SPEF2: variants seen among roughly 807,000 people sequenced by gnomAD.
SPEF2 encodes sperm flagellar and cilia associated 2.
SPEF2 carries 187 observed loss-of-function variants against 224.6 expected under a neutral mutation model. The ratio of observed to expected loss-of-function variants is 0.83; its 90% confidence interval spans 0.74 to 0.94. The LOEUF (loss-of-function observed/expected upper bound fraction) is 0.94, where lower values mean the gene tolerates loss of function less well. Ranked by LOEUF, SPEF2 falls within the 40% of genes least tolerant of loss-of-function variation. The probability of loss-of-function intolerance (pLI) is 0.00; values close to 1 mark genes in which losing one functional copy is unlikely to be tolerated. For synonymous variants in SPEF2, 715 were observed against 707.3 expected (o/e 1.01, Z -0.17); for missense variants, 2,170 against 2,135.6 (o/e 1.02, Z -0.32).
In SPEF2 at chr5:35,628,535, A is replaced by T. The variant is rs1744598658; in HGVS notation, c.134A>T (p.Asp45Val). ...GTTCTACACAAGTTTGAACTTCAGG[A>T]TGATTTTTCAGAATTTTTGGACAGC... ...GEVLHKFELQ[D>V]DFSEFLDSRV... The change falls in exon 2 of 37, where the codon GAT (aspartate) becomes GTT (valine). Residue 45 changes from aspartate to valine, a missense_variant. Physicochemically the swap from Asp to Val is radical, Grantham distance 152. Coordinates refer to ENST00000356031, the MANE Select transcript of SPEF2 (RefSeq NM_024867.4). 1 of 1,613,552 alleles carries T rather than the reference A, an allele frequency of 6.2e-7. No homozygotes were observed. Among genetic ancestry groups the T allele is most frequent in the Non-Finnish European group, 8.5e-7 (1 of 1,179,678 alleles).
At chr5:35,708,127 G>C in intron 18 of SPEF2, among the ~76,000 whole-genome samples, 1 of 152,088 alleles carries the variant, frequency 6.6e-6, no homozygotes, top group East Asian at 1.9e-4. Flanking sequence ...AGAAATAGTA[G>C]TAGTTTTACT....
intron 1 of SPEF2, among the ~76,000 whole-genome samples, chr5:35,621,646 T>C (rs1743525569): frequency 6.6e-6 from 1 of 152,136 alleles, no homozygotes; most frequent in Non-Finnish European, 1.5e-5. Context: ...AATTCCTAGA[T>C]GGTTAAGTGG....
At position 35,814,379 on chromosome 5, in the gene SPEF2, G is replaced by A. The variant is rs542492372; in HGVS notation, c.5380-85G>A. 1.1e-4 allele frequency: 74 copies of A among 646,874 alleles called. 1 individual carries two copies. In the East Asian group the frequency reaches 2.3e-3, roughly 20 times the overall value. The allele number at this position is 646,874 out of a possible 1,614,324, so 40.1% of individuals were successfully genotyped here. On this transcript the variant is annotated intron_variant, in intron 36 of 36. Transcript: ENST00000356031. ...CTGTTTAATGGTTGCCATGTACTATGTGATCATTTATTAGTATTTGTATAG... is the reference window on the plus strand; with the variant it reads ...CTGTTTAATGGTTGCCATGTACTATATGATCATTTATTAGTATTTGTATAG...
intron 15 of SPEF2, chr5:35,699,915 T>C (rs1189099234): frequency 5.2e-5 from 8 of 153,402 alleles, no homozygotes; most frequent in African/African-American, 1.9e-4. Flanking sequence ...CCAAATCTCA[T>C]CTTGAATTGT....
chr5:35,618,031 G>C lies in SPEF2; in HGVS notation c.34G>C (p.Glu12Gln), dbSNP rs1435866818. The change falls in exon 1 of 37, where the codon GAG (glutamate) becomes CAG (glutamine). Residue 12 changes from glutamate to glutamine, a missense_variant. By Grantham distance (29) the Glu-to-Gln change is conservative. Coordinates refer to ENST00000356031, the MANE Select transcript of SPEF2 (RefSeq NM_024867.4). ...GATCCTGTGCCAGTGGCTCAACAAGGAGTTGAAGGTGTCCCGGACCGTGAG... is the reference window on the plus strand; with the variant it reads ...GATCCTGTGCCAGTGGCTCAACAAGCAGTTGAAGGTGTCCCGGACCGTGAG... ...SEILCQWLNK[E>Q]LKVSRTVSPK... 4 of 1,587,764 alleles carry C rather than the reference G, an allele frequency of 2.5e-6. No individual in the cohort carries two copies. The East Asian group carries it at 9.2e-5, about 36-fold the overall frequency.
chr5:35,693,174 C>T (rs567937746), intron 12 of SPEF2, among the ~76,000 whole-genome samples: 17 of 152,246 alleles, frequency 1.1e-4, no homozygotes, highest in Non-Finnish European at 2.4e-4. Flanking sequence ...CTGAGATCCT[C>T]CCACTCAGCT....
At chr5:35,805,378 C>G (rs150524335) in intron 34 of SPEF2, among the ~76,000 whole-genome samples, 1 of 152,260 alleles carries the variant, frequency 6.6e-6, no homozygotes, top group African/African-American at 2.4e-5. Context: ...TAATTTTATG[C>G]TGCATCATAA....
chr5:35,724,112 A>G (rs79989905), intron 20 of SPEF2, among the ~76,000 whole-genome samples: 2,102 of 152,316 alleles, frequency 0.014, 46 homozygotes, highest in African/African-American at 0.049. Context: ...TTATCATTTT[A>G]CCATGTCAAA....
Position 35,656,708 on chromosome 5 carries a change from A to T in SPEF2, c.978+1982A>T, listed in dbSNP as rs142898070. On this transcript the variant is annotated intron_variant, in intron 7 of 36. Transcript: ENST00000356031. The stretch of plus-strand genomic sequence containing the variant: ...CTAGATTTCCTCACTTTCCACTAGG[A>T]TGCTATTAACACTGACTTTTCAAAA... Among the ~76,000 whole-genome samples, 331 of 152,322 alleles carry T rather than the reference A, an allele frequency of 2.2e-3. 1 individual carries two copies. Among genetic ancestry groups the T allele is most frequent in the African/African-American group, 7.6e-3 (318 of 41,572 alleles).
intron 2 of SPEF2, 76 bp downstream of exon 2, chr5:35,628,638 C>T: frequency 9.8e-7 from 1 of 1,023,872 alleles, no homozygotes; most frequent in Non-Finnish European, 1.5e-6. Context: ...GTTACTGAGA[C>T]TGGAGTGCAG....
rs1292700858 is a variant in SPEF2 at position 35,633,936 on chromosome 5, C to CT, written c.161+5380dup. Among the ~76,000 whole-genome samples, 7 of 152,038 alleles carry CT rather than the reference C, an allele frequency of 4.6e-5. No individual in the cohort carries two copies. The East Asian group carries it at 9.6e-4, about 21-fold the overall frequency. On this transcript the variant is annotated intron_variant, in intron 2 of 36. Coordinates refer to ENST00000356031, the MANE Select transcript of SPEF2 (RefSeq NM_024867.4). Reference sequence around the variant, plus strand: ...TCCAGTGTAGCTCAGTTGTCTCCTCCTTTTTTGTGCTATTGTTGTCTCCTA... The same window carrying CT: ...TCCAGTGTAGCTCAGTTGTCTCCTCCTTTTTTTGTGCTATTGTTGTCTCCTA...
intron 26 of SPEF2, chr5:35,764,631 G>A (rs996958003): frequency 2.2e-6 from 1 of 456,216 alleles, no homozygotes; most frequent in Non-Finnish European, 4.4e-6. Flanking sequence ...ACAGAAAGCA[G>A]CATCAACTTT....
At chr5:35,631,128 G>A (rs1292959276) in intron 2 of SPEF2, among the ~76,000 whole-genome samples, 1 of 152,166 alleles carries the variant, frequency 6.6e-6, no homozygotes, top group East Asian at 1.9e-4. Flanking sequence ...TCACAATCAT[G>A]GTGGAAGGCA....
At chr5:35,761,591 G>A (rs1367918612) in intron 25 of SPEF2, among the ~76,000 whole-genome samples, 2 of 152,016 alleles carry the variant, frequency 1.3e-5, no homozygotes, top group East Asian at 3.9e-4. Context: ...GTGTACACAA[G>A]AATATCTAAG....
chr5:35,704,068 G>T (rs1000926222), intron 16 of SPEF2, among the ~76,000 whole-genome samples: 6 of 151,808 alleles, frequency 4.0e-5, no homozygotes, highest in Non-Finnish European at 7.4e-5. Flanking sequence ...TTTGTTTTTG[G>T]TCTCTTTGGG....
intron 26 of SPEF2, among the ~76,000 whole-genome samples, chr5:35,767,434 C>T (rs930448081): frequency 6.6e-6 from 1 of 151,780 alleles, no homozygotes; most frequent in Non-Finnish European, 1.5e-5. Context: ...TGTTACTAGT[C>T]TCTTAGCAAT....
intron 4 of SPEF2, chr5:35,646,452 G>T: frequency 2.5e-6 from 1 of 398,904 alleles, no homozygotes; most frequent in Non-Finnish European, 4.5e-6. Flanking sequence ...ATGATTTGCA[G>T]ATTCCAGAAT....
chr5:35,742,417 A>G (rs1428024172), intron 23 of SPEF2, among the ~76,000 whole-genome samples: 2 of 152,218 alleles, frequency 1.3e-5, no homozygotes, highest in Middle Eastern at 3.4e-3. Flanking sequence ...TGAAAACTTT[A>G]CACAGTAAGA....
intron 2 of SPEF2, among the ~76,000 whole-genome samples, chr5:35,634,711 G>T (rs913510036): frequency 6.6e-6 from 1 of 152,012 alleles, no homozygotes; most frequent in African/African-American, 2.4e-5. Flanking sequence ...TTATAGAACA[G>T]TTTTAGATTT....
Sources: gnomAD v4.1 joint callset for allele counts (sites outside exome capture counted in the v4.1 genomes callset) on GRCh38, gnomAD v4.1.1 for gene constraint, MANE v1.5 for transcripts, NCBI Gene and HGNC (gene_info 2026-07-23, HGNC 2026-07-21) for gene names.